Variants in HDAC7 observed in about 807,000 individuals in gnomAD.
The protein encoded by HDAC7 is histone deacetylase 7A.
HDAC7 carries 26 observed loss-of-function variants against 115.5 expected under a neutral mutation model. The ratio of observed to expected loss-of-function variants is 0.23; its 90% CI spans 0.16 to 0.31. The LOEUF (loss-of-function observed/expected upper bound fraction) is 0.31. HDAC7 is among the 10% of genes least tolerant of loss of function. HDAC7 has a pLI of 1.00. For synonymous variants in HDAC7, 564 were observed against 550.9 expected, an observed-to-expected ratio of 1.02 and a Z score of -0.33; for missense variants, 1,068 against 1,329.0, an observed-to-expected ratio of 0.80 and a Z score of 3.05.
chr12:47,812,888 ACT>A (rs1199378370), intron 1 of HDAC7: 2 of 152,100 alleles, frequency 1.3e-5, no homozygotes, highest in Admixed American at 1.3e-4. Flanking sequence ...CCCCTGGCTC[ACT>A]CTCAAGGCGG....
At position 47,798,266 on chromosome 12, in the gene HDAC7, G is replaced by T; in HGVS notation, c.350-47C>A. On this transcript the variant is annotated intron_variant, in intron 4 of 25. Coordinates refer to ENST00000080059, the MANE Select transcript of HDAC7 (RefSeq NM_015401.5). The surrounding 1 kb of genome is among the most constrained non-coding windows in gnomAD (Gnocchi z 4.3). ...GGGGCTGGAGGTGGGTGGACAGGCG[G>T]CCTCGTGGCACTACCTGGCCACTGC... 2 of 1,448,004 alleles carry T rather than the reference G, an allele frequency of 1.4e-6. No individual in the cohort carries two copies. The highest frequency in any genetic ancestry group is 9.7e-7 in the Non-Finnish European group (1 of 1,031,386). The allele number at this position is 1,448,004 out of a possible 1,614,324, so 89.7% of individuals were successfully genotyped here.
In HDAC7 at chr12:47,793,005, G is replaced by T. The variant is rs1565803774; in HGVS notation, c.1678+364C>A. 2 of 284,594 alleles carry T rather than the reference G, an allele frequency of 7.0e-6. No individual in the cohort carries two copies. The highest frequency in any genetic ancestry group is 1.3e-5 in the Non-Finnish European group (2 of 148,480). The allele number at this position is 284,594 out of a possible 1,614,324, so 17.6% of individuals were successfully genotyped here. On this transcript the variant is annotated intron_variant, in intron 13 of 25. Coordinates refer to ENST00000080059, the MANE Select transcript of HDAC7 (RefSeq NM_015401.5). This position sits in a 1 kb window ranked among gnomAD's most constrained non-coding sequence, Gnocchi z 4.5. Reference sequence around the variant, plus strand: ...GTTGGTGATTTTTCTTTTCTTCTTAGGTTTTTCTGTACTCTTCAAAATGTC... The same window carrying T: ...GTTGGTGATTTTTCTTTTCTTCTTATGTTTTTCTGTACTCTTCAAAATGTC...
intron 12 of HDAC7, among the ~76,000 whole-genome samples, chr12:47,794,181 C>A (rs1031390452): frequency 1.3e-5 from 2 of 152,212 alleles, no homozygotes; most frequent in Admixed American, 1.3e-4. Context: ...AGATGACCAT[C>A]CACAAGCCAA....
At chr12:47,794,065 T>G (rs1005566472) in intron 12 of HDAC7, among the ~76,000 whole-genome samples, 4 of 152,142 alleles carry the variant, frequency 2.6e-5, no homozygotes, top group Admixed American at 1.3e-4. Context: ...CAAATTAAAA[T>G]GAGGTCGTTA....
At chr12:47,791,821 C>CCCAAAAA in intron 14 of HDAC7, 50 bp downstream of exon 14, 1 of 1,541,188 alleles carries the variant, frequency 6.5e-7, no homozygotes, top group Non-Finnish European at 8.9e-7. Flanking sequence ...CCTCCCCTCC[C>CCCAAAAA]ATGACTCCTC....
In HDAC7 at chr12:47,783,886, CCT is replaced by C; in HGVS notation, c.2931-2_2931-1del. The C allele has an allele frequency of 6.2e-7, 1 of 1,612,828 alleles. No homozygotes were observed. The highest frequency in any genetic ancestry group is 8.5e-7 in the Non-Finnish European group (1 of 1,179,698). Reference sequence around the variant, plus strand: ...CCTCCTCCACCAGCTGCTCCGAGGGCCTGTGGGGAGGGACAAGGGTGGGATGC... The same window carrying C: ...CCTCCTCCACCAGCTGCTCCGAGGGCGTGGGGAGGGACAAGGGTGGGATGC... On this transcript the variant is annotated splice_acceptor_variant, in intron 25 of 25. Transcript: ENST00000080059. LOFTEE classifies it high-confidence loss of function.
intron 2 of HDAC7, among the ~76,000 whole-genome samples, chr12:47,801,525 C>A (rs1239072456): frequency 6.6e-6 from 1 of 152,178 alleles, no homozygotes; most frequent in Non-Finnish European, 1.5e-5. Flanking sequence ...TGCCTGTTAG[C>A]TTTTCAACAG....
chr12:47,801,252 T>C (rs546265898), intron 2 of HDAC7, among the ~76,000 whole-genome samples: 12 of 152,328 alleles, frequency 7.9e-5, no homozygotes, highest in African/African-American at 2.6e-4. Flanking sequence ...GGCAGGGAGT[T>C]GGTTTCATGC....
chr12:47,795,933 G>A lies in HDAC7; in HGVS notation c.879C>T (p.Ile293=), dbSNP rs1943805315. ...ALPTVSLLPA[I]TLGLPAPARA... The stretch of plus-strand genomic sequence containing the variant: ...TGGCAGGGGCGGGCAGCCCCAGAGT[G>A]ATTGCGGGCAGCAAGGACACTGTCG... Residue 293 remains isoleucine (I), a synonymous_variant, in exon 9 of 26, where the codon ATC becomes ATT. Transcript: ENST00000080059. This position sits in a 1 kb window ranked among gnomAD's most constrained non-coding sequence, Gnocchi z 4.3. 5 of 1,550,850 alleles carry A rather than the reference G, an allele frequency of 3.2e-6. No individual in the cohort carries two copies. Among genetic ancestry groups the A allele is most frequent in the South Asian group, 1.2e-5 (1 of 84,168 alleles).
chr12:47,783,707 G>T lies in HDAC7; in HGVS notation c.*134C>A. The T allele has an allele frequency of 1.2e-6, 1 of 866,214 alleles. No homozygotes were observed. Among genetic ancestry groups the T allele is most frequent in the Non-Finnish European group, 1.9e-6 (1 of 527,720 alleles). 53.7% of individuals were successfully genotyped at this position (866,214 alleles called of 1,614,324 possible). A position where few individuals can be genotyped will look rare whatever the true frequency, so the allele number is the denominator to read the frequency against. The stretch of plus-strand genomic sequence containing the variant: ...CACGCTCCCTGGGATAACTGTCAAA[G>T]CAGGCAGGCTGTTCTCTGGTTCCAA... On this transcript the variant is annotated 3_prime_UTR_variant, in exon 26 of 26. Coordinates refer to ENST00000080059, the MANE Select transcript of HDAC7 (RefSeq NM_015401.5).
chr12:47,817,297 G>C (rs1449662717), intron 1 of HDAC7, among the ~76,000 whole-genome samples: 1 of 152,104 alleles, frequency 6.6e-6, no homozygotes, highest in African/African-American at 2.4e-5. Context: ...CTGCCCCTCC[G>C]TGGTTCCAAA....
chr12:47,806,982 C>T (rs182379706), intron 1 of HDAC7, among the ~76,000 whole-genome samples: 137 of 151,676 alleles, frequency 9.0e-4, no homozygotes, highest in African/African-American at 2.9e-3. Flanking sequence ...CTCTGTCACC[C>T]AGGCTGGAGT....
rs535016343 is a variant in HDAC7, at chr12:47,798,122, G to A, written c.447C>T (p.Pro149=). ...GAGGGTGTTACCTGTAGGGAATGCC[G>A]GGGCTGTTGGGATGGACTGTTCTTT... ...ALERTVHPNS[P]GIPYRTLEPL... is the part of the protein sequence containing the mutation. Residue 149 remains proline (P), a synonymous_variant, in exon 5 of 26, where the codon CCC becomes CCT. Transcript: ENST00000080059. The surrounding 1 kb of genome is among the most constrained non-coding windows in gnomAD (Gnocchi z 4.3). 32 of 1,613,200 alleles carry A rather than the reference G, an allele frequency of 2.0e-5. No homozygotes were observed. The Middle Eastern group carries it at 6.6e-4, about 33-fold the overall frequency.
At chr12:47,794,985 G>T (rs1943730479) in intron 11 of HDAC7, 52 bp from the exon 12 acceptor site, 1 of 1,529,228 alleles carries the variant, frequency 6.5e-7, no homozygotes, top group South Asian at 1.2e-5. Context: ...AGGGGCATGG[G>T]GTGGGAGGTG....
In HDAC7 at chr12:47,789,805, C is replaced by T; in HGVS notation, c.2091+8G>A. 6.2e-7 allele frequency: 1 copy of T among 1,609,320 alleles called. No homozygotes were observed. The highest frequency in any genetic ancestry group is 8.5e-7 in the Non-Finnish European group (1 of 1,176,256). ...GTGGTGTGTCCACCTTCAACCCAAA[C>T]CTCCTACCTTTAGCTCACGAGAAGC... is the stretch of plus-strand genomic sequence containing the variant. On this transcript the variant is annotated splice_region_variant and intron_variant, in intron 17 of 25. Coordinates refer to ENST00000080059, the MANE Select transcript of HDAC7 (RefSeq NM_015401.5).
rs1179404564 is a variant in HDAC7, at chr12:47,795,794, G to A, written c.907-27C>T. The A allele has an allele frequency of 6.6e-7, 1 of 1,519,836 alleles. No individual in the cohort carries two copies. The highest frequency in any genetic ancestry group is 2.1e-5 in the Admixed American group (1 of 48,716). 94.1% of individuals were successfully genotyped at this position (1,519,836 alleles called of 1,614,324 possible). ...TGGGGGAGAGGCGGGAGAAGTCACG[G>A]GGAAGAAGATTCCAGCAGAGAACAA... On this transcript the variant is annotated intron_variant, in intron 9 of 25. Transcript: ENST00000080059. This position sits in a 1 kb window ranked among gnomAD's most constrained non-coding sequence, Gnocchi z 4.3.
chr12:47,796,128 G>T, intron 8 of HDAC7, 79 bp downstream of exon 8: 2 of 1,523,448 alleles, frequency 1.3e-6, no homozygotes, highest in Non-Finnish European at 1.8e-6. Context: ...TGCAGCCCCA[G>T]CCCAGGTAGG....
At chr12:47,785,666 A>T (rs745322911) in intron 23 of HDAC7, 86 bp downstream of exon 23, 1 of 1,492,380 alleles carries the variant, frequency 6.7e-7, no homozygotes, top group Non-Finnish European at 9.0e-7. Flanking sequence ...ACCCTGTCCC[A>T]TCCCATCTGC....
In HDAC7 at chr12:47,819,754, G is replaced by A; in HGVS notation, c.19+13C>T. Reference sequence around the variant, plus strand: ...GCGCAGGGCGGGGCGGGGGGCGGCCGCCCAGTACTCACCAGCGCCGGGGCT... The same window carrying A: ...GCGCAGGGCGGGGCGGGGGGCGGCCACCCAGTACTCACCAGCGCCGGGGCT... On this transcript the variant is annotated intron_variant, in intron 1 of 25. Coordinates refer to ENST00000080059, the MANE Select transcript of HDAC7 (RefSeq NM_015401.5). The A allele has an allele frequency of 3.6e-6, 3 of 840,448 alleles. No individual in the cohort carries two copies. The highest frequency in any genetic ancestry group is 4.3e-6 in the Non-Finnish European group (3 of 690,562). The allele number at this position is 840,448 out of a possible 1,614,324, so 52.1% of individuals were successfully genotyped here.
Sources: allele counts gnomAD v4.1 joint callset (sites outside exome capture counted in the v4.1 genomes callset), GRCh38; gene constraint gnomAD v4.1.1; non-coding constraint Gnocchi (gnomAD v3.1); transcripts MANE v1.5; gene names NCBI Gene and HGNC (gene_info 2026-07-23, HGNC 2026-07-21).